The following DNAH10 variants were observed in gnomAD, a reference collection of about 807,000 sequenced individuals.
DNAH10 encodes the protein dynein axonemal heavy chain 10.
DNAH10 carries 348 observed loss-of-function variants against 506.6 expected under a neutral mutation model. That is an observed-to-expected ratio of 0.69 (90% confidence interval 0.63 to 0.75). The LOEUF (loss-of-function observed/expected upper bound fraction) is 0.75, where lower values mean the gene tolerates loss of function less well. Among genes scored for constraint, DNAH10 ranks in the 30% least tolerant of loss-of-function variants. The probability of loss-of-function intolerance (pLI) is 0.00; values close to 1 mark genes in which losing one functional copy is unlikely to be tolerated. For missense variants in DNAH10, 5,179 were observed against 5,787.1 expected (o/e 0.89, Z 3.41); for synonymous variants, 2,059 against 2,198.6 (o/e 0.94, Z 1.78).
Position 123,789,121 on chromosome 12 carries a change from G to A in DNAH10, c.1621-806G>A, listed in dbSNP as rs913942104. Among the ~76,000 whole-genome samples the A allele has an allele frequency of 1.3e-4, 20 of 151,758 alleles. No individual in the cohort carries two copies. In the South Asian group the frequency reaches 1.5e-3, roughly 11 times the overall value. Reference sequence around the variant, plus strand: ...AAATTAGCTGGGCGTGGTGGCGGGCGCCTGTAATCCCAGCTATTTGGGAGG... The same window carrying A: ...AAATTAGCTGGGCGTGGTGGCGGGCACCTGTAATCCCAGCTATTTGGGAGG... On this transcript the variant is annotated intron_variant, in intron 10 of 78. Coordinates refer to ENST00000673944, the MANE Select transcript of DNAH10 (RefSeq NM_001372106.1).
At chr12:123,889,256 A>C (rs1323373912) in intron 52 of DNAH10, among the ~76,000 whole-genome samples, 4 of 152,190 alleles carry the variant, frequency 2.6e-5, no homozygotes, top group African/African-American at 9.7e-5. Context: ...TCTAGAGTTC[A>C]AGTTTTGTTT....
At chr12:123,801,566 G>A in intron 16 of DNAH10, 134 bp downstream of exon 16, 2 of 1,147,100 alleles carry the variant, frequency 1.7e-6, no homozygotes, top group South Asian at 3.2e-5. Flanking sequence ...AGAAATACAA[G>A]TTGCGGAACT....
intron 56 of DNAH10, among the ~76,000 whole-genome samples, chr12:123,901,777 C>T (rs1229483048): frequency 6.6e-6 from 1 of 152,192 alleles, no homozygotes; most frequent in East Asian, 1.9e-4. Flanking sequence ...TCTCCTGCCT[C>T]AGCCTCCTGA....
At chr12:123,893,803 G>C (rs1177070420) in intron 53 of DNAH10, among the ~76,000 whole-genome samples, 2 of 152,180 alleles carry the variant, frequency 1.3e-5, no homozygotes, top group African/African-American at 4.8e-5. Flanking sequence ...GGGACTCTTG[G>C]CAATGCCTGG....
intron 25 of DNAH10, among the ~76,000 whole-genome samples, chr12:123,829,838 A>C (rs542229278): frequency 1.3e-5 from 2 of 152,284 alleles, no homozygotes; most frequent in African/African-American, 4.8e-5. Context: ...TATACACAGA[A>C]CTAAAACATG....
intron 45 of DNAH10, among the ~76,000 whole-genome samples, chr12:123,873,108 A>AT (rs1444588557): frequency 6.6e-6 from 1 of 152,198 alleles, no homozygotes; most frequent in African/African-American, 2.4e-5. Flanking sequence ...CATGATAGTG[A>AT]TTTATGTTTG....
chr12:123,807,131 TCATCCATCCATC>T (rs1037747667), intron 18 of DNAH10, among the ~76,000 whole-genome samples: 39 of 151,998 alleles, frequency 2.6e-4, no homozygotes, highest in Middle Eastern at 3.4e-3. Context: ...CATCCATCCA[TCATCCATCCATC>T]CATCCATCTG....
At chr12:123,885,560 G>T (rs1247077759) in intron 51 of DNAH10, among the ~76,000 whole-genome samples, 5 of 152,102 alleles carry the variant, frequency 3.3e-5, no homozygotes, top group African/African-American at 1.2e-4. Flanking sequence ...TGGTTGCCTG[G>T]CACCAGATTT....
At chr12:123,901,097 C>T (rs533046675) in intron 56 of DNAH10, among the ~76,000 whole-genome samples, 5 of 152,234 alleles carry the variant, frequency 3.3e-5, no homozygotes, top group Admixed American at 2.6e-4. Flanking sequence ...CCAGCCCATG[C>T]TTCTGCCTGG....
At chr12:123,908,344 T>TA (rs1175591048) in intron 57 of DNAH10, 3 of 455,992 alleles carry the variant, frequency 6.6e-6, no homozygotes, top group Non-Finnish European at 1.3e-5. Context: ...CCCAGCCTCC[T>TA]ACCAGAGCAC....
chr12:123,820,800 G>C (rs754913105), intron 24 of DNAH10, 42 bp downstream of exon 24: 56 of 1,600,760 alleles, frequency 3.5e-5, no homozygotes, highest in Non-Finnish European at 4.5e-5. Flanking sequence ...GCTCACTGAA[G>C]GGGATGTAGG....
chr12:123,831,688 C>T (rs949924861), intron 26 of DNAH10, among the ~76,000 whole-genome samples: 16 of 152,142 alleles, frequency 1.1e-4, no homozygotes, highest in African/African-American at 2.9e-4. Flanking sequence ...GTCAGGAGAT[C>T]GAGACCATCC....
chr12:123,766,277 C>A (rs1957046207), intron 1 of DNAH10, among the ~76,000 whole-genome samples: 1 of 151,108 alleles, frequency 6.6e-6, no homozygotes, highest in Non-Finnish European at 1.5e-5. Flanking sequence ...CTGTTGAGAT[C>A]AATTAATCAG....
intron 24 of DNAH10, among the ~76,000 whole-genome samples, chr12:123,823,790 T>C (rs1959677510): frequency 6.6e-6 from 1 of 152,170 alleles, no homozygotes; most frequent in Admixed American, 6.5e-5. Context: ...TTTAAAAATA[T>C]ACAATTTTTA....
intron 77 of DNAH10, chr12:123,934,391 A>G (rs1400594805): frequency 1.5e-6 from 1 of 664,438 alleles, no homozygotes; most frequent in Admixed American, 2.2e-5. Flanking sequence ...CCCCACACCC[A>G]TTTCTCTGGG....
chr12:123,892,553 C>T (rs1472484417), intron 52 of DNAH10, among the ~76,000 whole-genome samples: 2 of 152,188 alleles, frequency 1.3e-5, no homozygotes, highest in Non-Finnish European at 2.9e-5. Flanking sequence ...CCACTCTTAT[C>T]AGTGAATCGG....
At chr12:123,934,371 G>A in intron 77 of DNAH10, 1 of 657,202 alleles carries the variant, frequency 1.5e-6, no homozygotes, top group Non-Finnish European at 2.8e-6. Context: ...TCCTGGGGGA[G>A]AGGCCACCGC....
chr12:123,774,814 A>G (rs1041823747), intron 5 of DNAH10, among the ~76,000 whole-genome samples: 1 of 152,212 alleles, frequency 6.6e-6, no homozygotes, highest in African/African-American at 2.4e-5. Context: ...CATTATGGAC[A>G]TGTTACCATG....
chr12:123,805,665 A>G (rs1958640779), intron 18 of DNAH10, among the ~76,000 whole-genome samples: 1 of 152,194 alleles, frequency 6.6e-6, no homozygotes, highest in Non-Finnish European at 1.5e-5. Context: ...TATATTGTCA[A>G]GAGTAGTGTT....
Sources: allele counts gnomAD v4.1 joint callset (sites outside exome capture counted in the v4.1 genomes callset), GRCh38; gene constraint gnomAD v4.1.1; transcripts MANE v1.5; gene names NCBI Gene and HGNC (gene_info 2026-07-23, HGNC 2026-07-21).